The following ROBO1 variants were observed in gnomAD, a reference collection of about 807,000 sequenced individuals.
ROBO1 encodes roundabout homolog 1.
A neutral mutation model predicts 195.9 loss-of-function variants in ROBO1; 149 were observed. That is an observed-to-expected ratio of 0.76 (90% CI 0.67 to 0.87). The LOEUF (loss-of-function observed/expected upper bound fraction) is 0.87. ROBO1 is among the 40% of genes least tolerant of loss of function. ROBO1 has a pLI of 0.00. For missense variants in ROBO1, 1,933 were observed against 2,068.3 expected (o/e 0.93, Z 1.27); for synonymous variants, 816 against 733.2 (o/e 1.11, Z -1.82).
At chr3:79,567,390 T>C (rs9809092) in intron 2 of ROBO1, among the ~76,000 whole-genome samples, 22,472 of 152,122 alleles carry the variant, frequency 0.15, 2,135 homozygotes, top group African/African-American at 0.26. Context: ...AACTTAAAAG[T>C]TAGAAAAGGA....
chr3:79,362,762 C>T (rs1354844642), intron 2 of ROBO1, among the ~76,000 whole-genome samples: 1 of 152,024 alleles, frequency 6.6e-6, no homozygotes, highest in Non-Finnish European at 1.5e-5. Flanking sequence ...AAAATCTAGG[C>T]AAAAGGATTA....
chr3:79,280,033 A>G (rs1255011553), intron 2 of ROBO1, among the ~76,000 whole-genome samples: 1 of 152,226 alleles, frequency 6.6e-6, no homozygotes, highest in Non-Finnish European at 1.5e-5. Flanking sequence ...CTCATATATG[A>G]AAGCTAAAAA....
At position 79,087,011 on chromosome 3, in the gene ROBO1, T is replaced by C. The variant is rs546112428; in HGVS notation, c.172+38445A>G. On this transcript the variant is annotated intron_variant, in intron 3 of 30. Transcript: ENST00000464233. ...TAAGGAACATTTTGATATGTACCTT[T>C]AATAATTACTGCAGCTGCTAGTGAT... Among the ~76,000 whole-genome samples the C allele has an allele frequency of 6.6e-5, 10 of 152,186 alleles. 1 individual carries two copies. The East Asian group carries it at 1.5e-3, about 24-fold the overall frequency.
chr3:79,081,172 G>A (rs1434810318), intron 3 of ROBO1, among the ~76,000 whole-genome samples: 1 of 151,408 alleles, frequency 6.6e-6, no homozygotes, highest in Non-Finnish European at 1.5e-5. Context: ...ATTTTTTTCC[G>A]ATAGGATTTT....
At chr3:79,167,351 G>T (rs1287715947) in intron 2 of ROBO1, among the ~76,000 whole-genome samples, 1 of 152,040 alleles carries the variant, frequency 6.6e-6, no homozygotes, top group African/African-American at 2.4e-5. Context: ...CTTAGCAAGA[G>T]GAACACAGAG....
chr3:79,537,436 T>C (rs891511938), intron 2 of ROBO1, among the ~76,000 whole-genome samples: 5 of 152,172 alleles, frequency 3.3e-5, no homozygotes, highest in African/African-American at 1.2e-4. Context: ...TGTCCCACTA[T>C]GGGACAAAGA....
At chr3:79,604,188 G>A (rs1560030514) in intron 1 of ROBO1, among the ~76,000 whole-genome samples, 2 of 151,808 alleles carry the variant, frequency 1.3e-5, no homozygotes, top group Admixed American at 1.3e-4. Flanking sequence ...GCAAGTTTGA[G>A]ATACAGAGGC....
intron 2 of ROBO1, among the ~76,000 whole-genome samples, chr3:79,230,893 T>C (rs2082307255): frequency 6.6e-6 from 1 of 151,946 alleles, no homozygotes; most frequent in African/African-American, 2.4e-5. Flanking sequence ...TGAGACAGAA[T>C]AGACAACCCA....
chr3:79,652,529 A>G (rs1025535922), intron 1 of ROBO1, among the ~76,000 whole-genome samples: 1 of 152,134 alleles, frequency 6.6e-6, no homozygotes, highest in African/African-American at 2.4e-5. Context: ...GTTATTGTAC[A>G]GGATTAACAG....
intron 2 of ROBO1, among the ~76,000 whole-genome samples, chr3:79,206,421 T>G (rs564083334): frequency 1.2e-4 from 19 of 152,242 alleles, no homozygotes; most frequent in African/African-American, 4.6e-4. Context: ...AGTTCTTGAC[T>G]TAAAGAGAAA....
chr3:79,467,442 C>T (rs1422928067), intron 2 of ROBO1, among the ~76,000 whole-genome samples: 1 of 151,248 alleles, frequency 6.6e-6, no homozygotes, highest in Non-Finnish European at 1.5e-5. Context: ...CCACATAAAC[C>T]CCAAACACCA....
chr3:79,605,613 C>T (rs1490253691), intron 1 of ROBO1, among the ~76,000 whole-genome samples: 1 of 151,944 alleles, frequency 6.6e-6, no homozygotes, highest in East Asian at 1.9e-4. Context: ...TTCCAACTTC[C>T]ACGTCCCAGC....
At chr3:79,089,939 C>CTT (rs1177571028) in intron 3 of ROBO1, among the ~76,000 whole-genome samples, 138 of 11,954 alleles carry the variant, frequency 0.012, 1 homozygote, top group African/African-American at 0.013. Context: ...GTTATTCTTT[C>CTT]TTTTTTTTTT....
chr3:78,730,951 C>T (rs1326225703), intron 5 of ROBO1, among the ~76,000 whole-genome samples: 3 of 152,188 alleles, frequency 2.0e-5, no homozygotes, highest in Admixed American at 2.0e-4. Context: ...TGGTGGGCTA[C>T]ATTAAACTTC....
chr3:78,841,014 A>G (rs1239056672), intron 4 of ROBO1, among the ~76,000 whole-genome samples: 2 of 151,588 alleles, frequency 1.3e-5, no homozygotes, highest in Admixed American at 6.6e-5. Context: ...GTGAGCCAAG[A>G]TCACGCCACT....
chr3:79,399,618 C>T (rs1049654977), intron 2 of ROBO1, among the ~76,000 whole-genome samples: 4 of 152,092 alleles, frequency 2.6e-5, no homozygotes, highest in Non-Finnish European at 1.5e-5. Context: ...ACTTATCTGC[C>T]ATAATATTTT....
intron 3 of ROBO1, among the ~76,000 whole-genome samples, chr3:78,991,376 G>A (rs182507539): frequency 6.6e-6 from 1 of 152,204 alleles, no homozygotes; most frequent in African/African-American, 2.4e-5. Flanking sequence ...AAGATCCAAA[G>A]TCAGCAGGAA....
intron 4 of ROBO1, among the ~76,000 whole-genome samples, chr3:78,894,386 C>G (rs982140053): frequency 2.0e-4 from 31 of 152,034 alleles, no homozygotes; most frequent in Non-Finnish European, 2.9e-5. Context: ...TTTTCAAATA[C>G]CTAATATTTG....
intron 30 of ROBO1, 112 bp downstream of exon 30, chr3:78,600,001 A>T: frequency 1.2e-6 from 1 of 849,642 alleles, no homozygotes; most frequent in Non-Finnish European, 2.0e-6. Flanking sequence ...ACATTAGAGT[A>T]CTGAAAAGTT....
Sources: gnomAD v4.1 joint callset for allele counts (sites outside exome capture counted in the v4.1 genomes callset) on GRCh38, gnomAD v4.1.1 for gene constraint, MANE v1.5 for transcripts, NCBI Gene and HGNC (gene_info 2026-07-23, HGNC 2026-07-21) for gene names.